EPB41L2: variants seen among roughly 807,000 people sequenced by gnomAD.
EPB41L2 encodes the protein erythrocyte membrane protein band 4.1 like 2, also known as band 4.1-like protein 2.
A neutral mutation model predicts 113.0 loss-of-function variants in EPB41L2; 43 were observed. The ratio of observed to expected loss-of-function variants is 0.38; its 90% CI spans 0.30 to 0.49. The LOEUF (loss-of-function observed/expected upper bound fraction) is 0.49. Ranked by LOEUF, EPB41L2 falls within the 20% of genes least tolerant of loss-of-function variation. The pLI is 0.95. For missense variants in EPB41L2, 1,147 were observed against 1,223.4 expected, an observed-to-expected ratio of 0.94 and a Z score of 0.93; for synonymous variants, 442 against 436.7, an observed-to-expected ratio of 1.01 and a Z score of -0.15.
intron 5 of EPB41L2, among the ~76,000 whole-genome samples, chr6:130,906,469 T>C (rs934913708): frequency 9.2e-5 from 14 of 152,224 alleles, no homozygotes; most frequent in African/African-American, 2.4e-5. Flanking sequence ...ACTTAAAATC[T>C]ACTCCCTTAG....
intron 4 of EPB41L2, among the ~76,000 whole-genome samples, chr6:130,914,702 T>C (rs1295532903): frequency 1.3e-5 from 2 of 152,114 alleles, no homozygotes; most frequent in African/African-American, 4.8e-5. Flanking sequence ...TAAGCAACCA[T>C]GCAAAACTCG....
At chr6:131,027,081 ATACT>A (rs147782512) in intron 1 of EPB41L2, among the ~76,000 whole-genome samples, 1,588 of 152,328 alleles carry the variant, frequency 0.01, 37 homozygotes, top group African/African-American at 0.037. Flanking sequence ...CTCATTCCAA[ATACT>A]TACTACGTAA....
chr6:130,908,122 C>CA (rs1384551688), intron 5 of EPB41L2, among the ~76,000 whole-genome samples: 1 of 152,036 alleles, frequency 6.6e-6, no homozygotes, highest in South Asian at 2.1e-4. Flanking sequence ...GCACAGATAC[C>CA]AAAAAAACAG....
chr6:130,949,375 G>C (rs1329965802), intron 3 of EPB41L2, among the ~76,000 whole-genome samples: 1 of 152,192 alleles, frequency 6.6e-6, no homozygotes, highest in Non-Finnish European at 1.5e-5. Flanking sequence ...GCCAAGGAGG[G>C]AGAATTGCTT....
intron 1 of EPB41L2, among the ~76,000 whole-genome samples, chr6:131,028,975 T>C (rs1160328040): frequency 1.3e-5 from 2 of 152,184 alleles, no homozygotes; most frequent in Non-Finnish European, 2.9e-5. Flanking sequence ...TACACCAAAA[T>C]GACTGATCAA....
chr6:131,016,312 C>G (rs1195171236), intron 1 of EPB41L2, among the ~76,000 whole-genome samples: 1 of 152,154 alleles, frequency 6.6e-6, no homozygotes, highest in African/African-American at 2.4e-5. Context: ...TAATGCTTAA[C>G]AGCTTAACTG....
intron 1 of EPB41L2, among the ~76,000 whole-genome samples, chr6:131,051,436 A>G (rs1186645977): frequency 6.8e-6 from 1 of 146,636 alleles, no homozygotes. Flanking sequence ...CAAGGAACAA[A>G]TTCACAAAAG....
chr6:131,049,631 C>G (rs1228242177), intron 1 of EPB41L2, among the ~76,000 whole-genome samples: 1 of 152,192 alleles, frequency 6.6e-6, no homozygotes, highest in Non-Finnish European at 1.5e-5. Context: ...GAATATGAAC[C>G]ATTGTCTAGC....
At chr6:131,036,238 A>C (rs1793275943) in intron 1 of EPB41L2, among the ~76,000 whole-genome samples, 1 of 152,162 alleles carries the variant, frequency 6.6e-6, no homozygotes, top group Non-Finnish European at 1.5e-5. Context: ...ATGTTGTAAA[A>C]TTCTCAAAAA....
chr6:131,017,762 T>C (rs569150524), intron 1 of EPB41L2, among the ~76,000 whole-genome samples: 4 of 152,324 alleles, frequency 2.6e-5, no homozygotes, highest in South Asian at 4.1e-4. Flanking sequence ...TTCTCCAAGA[T>C]GGTTATGCCA....
intron 18 of EPB41L2, among the ~76,000 whole-genome samples, chr6:130,859,992 G>C (rs957532323): frequency 6.6e-6 from 1 of 152,174 alleles, no homozygotes; most frequent in Non-Finnish European, 1.5e-5. Flanking sequence ...GCAGGTATCT[G>C]GTTCCAGGGA....
intron 1 of EPB41L2, among the ~76,000 whole-genome samples, chr6:130,958,509 TAGG>T (rs1818285977): frequency 6.7e-6 from 1 of 149,670 alleles, no homozygotes; most frequent in South Asian, 2.1e-4. Flanking sequence ...TAAGCCAGGT[TAGG>T]AGAAGAAGAG....
At chr6:131,001,610 A>C (rs1252375891) in intron 1 of EPB41L2, among the ~76,000 whole-genome samples, 1 of 152,142 alleles carries the variant, frequency 6.6e-6, no homozygotes, top group African/African-American at 2.4e-5. Context: ...CATGCGTTTG[A>C]AAACCTCCTG....
intron 1 of EPB41L2, among the ~76,000 whole-genome samples, chr6:130,957,410 G>A (rs1199326422): frequency 1.3e-5 from 2 of 152,206 alleles, no homozygotes; most frequent in Non-Finnish European, 2.9e-5. Flanking sequence ...GGAGATAGCC[G>A]ATCACATTCG....
intron 8 of EPB41L2, among the ~76,000 whole-genome samples, chr6:130,896,816 A>G (rs1165783391): frequency 6.6e-6 from 1 of 152,206 alleles, no homozygotes; most frequent in Non-Finnish European, 1.5e-5. Flanking sequence ...TCACTGCTCC[A>G]TGGAGCAATG....
chr6:130,997,625 G>C (rs866441800), intron 1 of EPB41L2, among the ~76,000 whole-genome samples: 1 of 152,194 alleles, frequency 6.6e-6, no homozygotes, highest in Non-Finnish European at 1.5e-5. Context: ...AAGGCGGACA[G>C]GGACGTGTTT....
rs144166566 is a variant in EPB41L2 at position 130,903,472 on chromosome 6, G to A, written c.929+993C>T. Among the ~76,000 whole-genome samples, 29 of 151,758 alleles carry A rather than the reference G, an allele frequency of 1.9e-4. No homozygotes were observed. The South Asian group carries it at 3.3e-3, about 17-fold the overall frequency. ...ATTTCCATCCTTGCTATTTCACATGGATATTATGAACTCTTAACCACTTCC... is the reference window on the plus strand; with the variant it reads ...ATTTCCATCCTTGCTATTTCACATGAATATTATGAACTCTTAACCACTTCC... On this transcript the variant is annotated intron_variant, in intron 6 of 19. Coordinates refer to ENST00000337057, the MANE Select transcript of EPB41L2 (RefSeq NM_001431.4).
At chr6:130,950,369 G>T (rs1814469639) in intron 3 of EPB41L2, among the ~76,000 whole-genome samples, 1 of 151,710 alleles carries the variant, frequency 6.6e-6, no homozygotes, top group Non-Finnish European at 1.5e-5. Flanking sequence ...CTAGAAATAA[G>T]AAATAAAAAT....
At chr6:131,019,449 T>C (rs1184154945) in intron 1 of EPB41L2, among the ~76,000 whole-genome samples, 2 of 152,186 alleles carry the variant, frequency 1.3e-5, no homozygotes, top group Non-Finnish European at 2.9e-5. Flanking sequence ...TCAACAACTA[T>C]ATAAATGACT....
Sources: allele counts gnomAD v4.1 joint callset (sites outside exome capture counted in the v4.1 genomes callset), GRCh38; gene constraint gnomAD v4.1.1; transcripts MANE v1.5; gene names NCBI Gene and HGNC (gene_info 2026-07-23, HGNC 2026-07-21).